Variants in NEK9 observed in about 807,000 individuals in gnomAD.
NEK9 encodes the protein NIMA related kinase 9, also known as serine/threonine-protein kinase Nek9.
A neutral mutation model predicts 123.4 loss-of-function variants in NEK9; 75 were observed. The ratio of observed to expected loss-of-function variants is 0.61; its 90% CI spans 0.50 to 0.74. The LOEUF (loss-of-function observed/expected upper bound fraction) is 0.74, where lower values mean the gene tolerates loss of function less well. Ranked by LOEUF, NEK9 falls within the 30% of genes least tolerant of loss-of-function variation. The probability of loss-of-function intolerance (pLI) is 0.00; values close to 1 mark genes in which losing one functional copy is unlikely to be tolerated. For synonymous variants in NEK9, 438 were observed against 458.7 expected (o/e 0.95, Z 0.58); for missense variants, 952 against 1,214.4 (o/e 0.78, Z 3.21).
chr14:75,110,006 TTGTTTCAA>T, intron 9 of NEK9, 129 bp from the exon 10 acceptor site: 1 of 959,478 alleles, frequency 1.0e-6, no homozygotes, highest in South Asian at 1.7e-5. Context: ...TCTCGACAAC[TTGTTTCAA>T]TGTGCTCTAT....
chr14:75,111,326 T>C (rs1258223549), intron 8 of NEK9, among the ~76,000 whole-genome samples: 2 of 152,210 alleles, frequency 1.3e-5, no homozygotes, highest in Non-Finnish European at 2.9e-5. Flanking sequence ...CAGGCATCAG[T>C]ACTTTTTGAA....
At chr14:75,103,710 T>C in intron 14 of NEK9, 132 bp downstream of exon 14, 1 of 982,366 alleles carries the variant, frequency 1.0e-6, no homozygotes, top group Non-Finnish European at 1.5e-6. Context: ...GGCTTCTTTT[T>C]CTGCACACAA....
intron 12 of NEK9, 133 bp from the exon 13 acceptor site, chr14:75,106,129 G>C (rs181056791): frequency 1.3e-6 from 1 of 778,190 alleles, no homozygotes; most frequent in African/African-American, 1.7e-5. Context: ...GCCGAGGCAG[G>C]TGGATCATGA....
rs543579822 is a variant in NEK9, at chr14:75,090,277, C to CT, written c.2442+992dup. Among the ~76,000 whole-genome samples the CT allele has an allele frequency of 7.7e-3, 914 of 118,808 alleles. 8 individuals are homozygous for CT. Among genetic ancestry groups the CT allele is most frequent in the African/African-American group, 0.021 (682 of 33,120 alleles). The allele number at this position is 118,808 out of a possible 152,430, so 77.9% of individuals were successfully genotyped here. ...ACAGCTGGGAGCCATCATGCTCGGT[C>CT]TTTTTTTTTTTTTTTTTGGTAAAAA... On this transcript the variant is annotated intron_variant, in intron 19 of 21. Transcript: ENST00000238616.
chr14:75,120,669 A>C, intron 3 of NEK9, 89 bp from the exon 4 acceptor site: 1 of 956,050 alleles, frequency 1.0e-6, no homozygotes, highest in Non-Finnish European at 1.6e-6. Context: ...AACAAAGAAA[A>C]CTGCAACCAG....
chr14:75,120,823 A>G, intron 3 of NEK9: 1 of 586,870 alleles, frequency 1.7e-6, no homozygotes, highest in Non-Finnish European at 3.0e-6. Context: ...TAAAGCAGAC[A>G]TGTAGGAAAA....
chr14:75,108,133 T>C (rs1009025206), intron 10 of NEK9, among the ~76,000 whole-genome samples: 10 of 152,006 alleles, frequency 6.6e-5, no homozygotes, highest in Admixed American at 1.3e-4. Flanking sequence ...AACTTTTTTT[T>C]TTTTTTTTGA....
chr14:75,082,084 A>G lies in NEK9; in HGVS notation c.*2480T>C, dbSNP rs979162115. 3 of 152,254 alleles carry G rather than the reference A, an allele frequency of 2.0e-5. No homozygotes were observed. Among genetic ancestry groups the G allele is most frequent in the Non-Finnish European group, 4.4e-5 (3 of 68,046 alleles). 9.4% of individuals were successfully genotyped at this position (152,254 alleles called of 1,614,324 possible). A position where few individuals can be genotyped will look rare whatever the true frequency, so the allele number is the denominator to read the frequency against. The stretch of plus-strand genomic sequence containing the variant: ...TCTGGATGTTTTATCCCCAGAGACT[A>G]AGGTCCATGCACAGGCTTACTGAAG... On this transcript the variant is annotated 3_prime_UTR_variant, in exon 22 of 22. Coordinates refer to ENST00000238616, the MANE Select transcript of NEK9 (RefSeq NM_033116.6).
At chr14:75,113,210 G>A in intron 8 of NEK9, 129 bp downstream of exon 8, 2 of 733,638 alleles carry the variant, frequency 2.7e-6, no homozygotes, top group Non-Finnish European at 4.7e-6. Flanking sequence ...TAAAAGCAGG[G>A]ATGTTGGTAG....
rs1195145401 is a variant in NEK9, at chr14:75,106,148, G to T, written c.1529-152C>A. ...AGGCAGGTGGATCATGAGGTCAGAA[G>T]TTCGAGCGAGACAAGCCTGGCCAGT... On this transcript the variant is annotated intron_variant, in intron 12 of 21. Coordinates refer to ENST00000238616, the MANE Select transcript of NEK9 (RefSeq NM_033116.6). 5 of 691,700 alleles carry T rather than the reference G, an allele frequency of 7.2e-6. No individual in the cohort carries two copies. The East Asian group carries it at 1.4e-4, about 19-fold the overall frequency. The allele number at this position is 691,700 out of a possible 1,614,324, so 42.8% of individuals were successfully genotyped here.
intron 4 of NEK9, among the ~76,000 whole-genome samples, chr14:75,119,832 C>G (rs188660806): frequency 1.3e-5 from 2 of 151,928 alleles, no homozygotes; most frequent in Non-Finnish European, 2.9e-5. Flanking sequence ...TTGAAAGATG[C>G]GAATAAACCA....
chr14:75,125,379 T>C lies in NEK9; in HGVS notation c.220-1156A>G, dbSNP rs1046473595. 3.3e-5 allele frequency among the ~76,000 whole-genome samples: 5 copies of C among 152,308 alleles called. No individual in the cohort carries two copies. In the East Asian group the frequency reaches 7.7e-4, roughly 23 times the overall value. ...TTCTGAACTTTTGTAAATTCACAGA[T>C]CTAATAAATATTTGGTGATATGGAC... is the stretch of plus-strand genomic sequence containing the variant. On this transcript the variant is annotated intron_variant, in intron 1 of 21. Coordinates refer to ENST00000238616, the MANE Select transcript of NEK9 (RefSeq NM_033116.6).
chr14:75,120,638 C>T, intron 3 of NEK9, 58 bp from the exon 4 acceptor site: 3 of 1,238,084 alleles, frequency 2.4e-6, no homozygotes, highest in Admixed American at 2.0e-5. Context: ...TAAGTAAATA[C>T]ACACACACAT....
rs78524303 is a variant in NEK9 at position 75,126,794 on chromosome 14, C to G, written c.128G>C (p.Gly43Ala). The G allele has an allele frequency of 3.2e-3, 4,877 of 1,531,256 alleles. 149 individuals carry two copies. In the African/African-American group the frequency reaches 0.063, roughly 20 times the overall value. 94.9% of individuals were successfully genotyped at this position (1,531,256 alleles called of 1,614,324 possible). A position where few individuals can be genotyped will look rare whatever the true frequency, so the allele number is the denominator to read the frequency against. Residue 43 changes from glycine to alanine, a missense_variant, in exon 1 of 22, where the codon GGC (glycine) becomes GCC (alanine). By Grantham distance (60) the Gly-to-Ala change is moderately conservative (BLOSUM62 0). Around this residue, in one of 4 missense-constraint regions of NEK9, gnomAD observed 120 missense variants for 97.6 expected, o/e 1.23. Coordinates refer to ENST00000238616, the MANE Select transcript of NEK9 (RefSeq NM_033116.6). ...SASQGPRAGG[G>A]AAEQEELHYI... ...GTGCAGTTCCTCCTGCTCCGCCGCG[C>G]CGCCGCCGGCTCGCGGCCCCTGACT...
chr14:75,108,128 T>A (rs1894838080), intron 10 of NEK9, among the ~76,000 whole-genome samples: 1 of 151,074 alleles, frequency 6.6e-6, no homozygotes, highest in South Asian at 2.1e-4. Context: ...TTTTCAACTT[T>A]TTTTTTTTTT....
chr14:75,114,112 G>A (rs886970489), intron 7 of NEK9, 91 bp downstream of exon 7: 9 of 871,798 alleles, frequency 1.0e-5, no homozygotes, highest in Admixed American at 6.1e-5. Flanking sequence ...AGTGGATGTG[G>A]TTTTGTATGG....
chr14:75,102,656 AAT>A (rs769499291), intron 14 of NEK9, among the ~76,000 whole-genome samples: 50 of 152,168 alleles, frequency 3.3e-4, no homozygotes, highest in Non-Finnish European at 5.1e-4. Flanking sequence ...CCGGCAACTG[AAT>A]ATTTCTTTTC....
At chr14:75,090,656 C>T (rs1894186724) in intron 19 of NEK9, among the ~76,000 whole-genome samples, 1 of 151,778 alleles carries the variant, frequency 6.6e-6, no homozygotes, top group East Asian at 1.9e-4. Context: ...ACTTCAGCCT[C>T]GACTTCCCAG....
In NEK9 at chr14:75,087,082, T is replaced by A; in HGVS notation, c.2753A>T (p.Gln918Leu). Residue 918 changes from glutamine to leucine, a missense_variant, in exon 21 of 22, where the codon CAA (glutamine) becomes CTA (leucine). Gln to Leu is a moderately radical substitution (Grantham distance 113, BLOSUM62 -2). Coordinates refer to ENST00000238616, the MANE Select transcript of NEK9 (RefSeq NM_033116.6). ...TTGGGTAAAAATCTGGAGGTTTTCTTGCTGTAGCTTCTGTTGTTCAGCCAG... is the reference window on the plus strand; with the variant it reads ...TTGGGTAAAAATCTGGAGGTTTTCTAGCTGTAGCTTCTGTTGTTCAGCCAG... The part of the protein sequence containing the change: ...KCLAEQQKLQ[Q>L]ENLQIFTQLQ... The A allele has an allele frequency of 1.2e-6, 2 of 1,614,250 alleles. No homozygotes were observed. Among genetic ancestry groups the A allele is most frequent in the Non-Finnish European group, 1.7e-6 (2 of 1,180,040 alleles).
Sources: gnomAD v4.1 joint callset for allele counts (sites outside exome capture counted in the v4.1 genomes callset) on GRCh38, gnomAD v4.1.1 for gene constraint, gnomAD v4.1.1 regional missense constraint, MANE v1.5 for transcripts, NCBI Gene and HGNC (gene_info 2026-07-23, HGNC 2026-07-21) for gene names.